Variants in PLCB1 observed in about 807,000 individuals in gnomAD.
PLCB1 encodes the protein 1-phosphatidylinositol 4,5-bisphosphate phosphodiesterase beta-1.
PLCB1 carries 46 observed loss-of-function variants against 161.8 expected under a neutral mutation model. The observed-to-expected ratio is 0.28, with a 90% CI of 0.22 to 0.36. PLCB1 has a LOEUF of 0.36. PLCB1 is among the 10% of genes least tolerant of loss of function. PLCB1 has a pLI of 1.00. For synonymous variants in PLCB1, 517 were observed against 503.7 expected, an observed-to-expected ratio of 1.03 and a Z score of -0.35; for missense variants, 1,016 against 1,472.5, an observed-to-expected ratio of 0.69 and a Z score of 5.07.
intron 2 of PLCB1, among the ~76,000 whole-genome samples, chr20:8,204,453 G>A (rs991643290): frequency 6.6e-6 from 1 of 152,098 alleles, no homozygotes; most frequent in Middle Eastern, 3.4e-3. Context: ...GTTTGTCCTG[G>A]GCTCCAATCT....
chr20:8,683,549 T>C (rs1990273570), intron 9 of PLCB1, among the ~76,000 whole-genome samples: 1 of 152,190 alleles, frequency 6.6e-6, no homozygotes, highest in Admixed American at 6.5e-5. Flanking sequence ...CTATGAAGAT[T>C]ATGACAAAAA....
intron 2 of PLCB1, among the ~76,000 whole-genome samples, chr20:8,188,509 G>T (rs1238797506): frequency 6.6e-6 from 1 of 152,122 alleles, no homozygotes; most frequent in Non-Finnish European, 1.5e-5. Context: ...CAGAGGAGAT[G>T]CATTTTCCTA....
rs150070725 is a variant in PLCB1, at chr20:8,443,269, A to T, written c.246+71819A>T. Among the ~76,000 whole-genome samples, 969 of 152,198 alleles carry T rather than the reference A, an allele frequency of 6.4e-3. 12 individuals carry two copies. The highest frequency in any genetic ancestry group is 0.022 in the African/African-American group (904 of 41,516). On this transcript the variant is annotated intron_variant, in intron 3 of 31. Coordinates refer to ENST00000338037, the MANE Select transcript of PLCB1 (RefSeq NM_015192.4). ...TGCTGGGATTACAGGCGTGAGCCACAGCACCTGGCCATCTCGTGAGTTTTA... is the reference window on the plus strand; with the variant it reads ...TGCTGGGATTACAGGCGTGAGCCACTGCACCTGGCCATCTCGTGAGTTTTA...
At chr20:8,486,610 C>T (rs1320252676) in intron 3 of PLCB1, among the ~76,000 whole-genome samples, 1 of 150,602 alleles carries the variant, frequency 6.6e-6, no homozygotes, top group Non-Finnish European at 1.5e-5. Context: ...ATTCTCCTGC[C>T]TCAGCCTCCC....
At chr20:8,683,457 A>T (rs1395011336) in intron 9 of PLCB1, among the ~76,000 whole-genome samples, 1 of 152,118 alleles carries the variant, frequency 6.6e-6, no homozygotes, top group African/African-American at 2.4e-5. Flanking sequence ...ACCCGCAAAT[A>T]TGTTGTTTGA....
chr20:8,423,871 G>T (rs1979639519), intron 3 of PLCB1, among the ~76,000 whole-genome samples: 1 of 152,158 alleles, frequency 6.6e-6, no homozygotes, highest in Non-Finnish European at 1.5e-5. Flanking sequence ...GCATCGCTCA[G>T]AGCTTCCTAG....
rs192072403 is a variant in PLCB1 at position 8,659,877 on chromosome 20, G to A, written c.862+1173G>A. 7.3e-5 allele frequency among the ~76,000 whole-genome samples: 11 copies of A among 151,508 alleles called. No individual in the cohort carries two copies. In the East Asian group the frequency reaches 1.4e-3, roughly 19 times the overall value. On this transcript the variant is annotated intron_variant, in intron 9 of 31. Transcript: ENST00000338037. The stretch of plus-strand genomic sequence containing the variant: ...CATGATGGCGCATGCCTGTAGTCCC[G>A]GCTACTCAAAAGACTGAGGTAGGAG...
chr20:8,776,826 G>T (rs1412338121), intron 27 of PLCB1, among the ~76,000 whole-genome samples: 1 of 152,246 alleles, frequency 6.6e-6, no homozygotes, highest in South Asian at 2.1e-4. Flanking sequence ...AAAACATGTA[G>T]TATGTTAGGT....
At chr20:8,617,275 T>A (rs1324496583) in intron 3 of PLCB1, among the ~76,000 whole-genome samples, 1 of 152,214 alleles carries the variant, frequency 6.6e-6, no homozygotes, top group Non-Finnish European at 1.5e-5. Flanking sequence ...GCCATTATGA[T>A]AAATTAAATA....
intron 3 of PLCB1, among the ~76,000 whole-genome samples, chr20:8,491,044 CATAAATATTTTACTTTT>C (rs1432334945): frequency 6.6e-6 from 1 of 151,754 alleles, no homozygotes; most frequent in African/African-American, 2.4e-5. Flanking sequence ...TTTCAAACAG[CATAAATATTTTACTTTT>C]ATAAAATCTA....
intron 4 of PLCB1, 83 bp from the exon 5 acceptor site, chr20:8,646,019 T>C (rs907120921): frequency 1.1e-6 from 1 of 917,878 alleles, no homozygotes; most frequent in African/African-American, 1.6e-5. Context: ...AACTAATGTG[T>C]CTTCCTGGAA....
intron 2 of PLCB1, among the ~76,000 whole-genome samples, chr20:8,320,766 C>A (rs1984872861): frequency 1.8e-5 from 2 of 108,848 alleles, no homozygotes; most frequent in South Asian, 3.2e-4. Flanking sequence ...AGTTTTAATG[C>A]AAAATACTTG....
At chr20:8,317,417 GGCTGT>G (rs1984708096) in intron 2 of PLCB1, among the ~76,000 whole-genome samples, 1 of 151,980 alleles carries the variant, frequency 6.6e-6, no homozygotes, top group Non-Finnish European at 1.5e-5. Context: ...TGGTAGGAGG[GGCTGT>G]GCCACTCTGA....
intron 10 of PLCB1, among the ~76,000 whole-genome samples, chr20:8,687,372 T>C (rs1442193812): frequency 6.6e-6 from 1 of 152,044 alleles, no homozygotes; most frequent in Non-Finnish European, 1.5e-5. Flanking sequence ...GTTATAAGGG[T>C]ATAGGTGGTA....
At chr20:8,878,030 T>C (rs1192548647) in intron 31 of PLCB1, among the ~76,000 whole-genome samples, 1 of 152,202 alleles carries the variant, frequency 6.6e-6, no homozygotes, top group African/African-American at 2.4e-5. Flanking sequence ...TTTAAAATGT[T>C]AAAAAGCATT....
rs575516433 is a variant in PLCB1, at chr20:8,492,238, G to A, written c.246+120788G>A. ...AAGAAAATTAAGCTACCCACTTTCT[G>A]TTTACTTACATAGAATTCCACTATT... On this transcript the variant is annotated intron_variant, in intron 3 of 31. Transcript: ENST00000338037. Among the ~76,000 whole-genome samples, 4 of 150,920 alleles carry A rather than the reference G, an allele frequency of 2.7e-5. No individual in the cohort carries two copies. In the South Asian group the frequency reaches 8.4e-4, roughly 32 times the overall value.
intron 3 of PLCB1, among the ~76,000 whole-genome samples, chr20:8,432,749 C>G (rs1980108070): frequency 6.6e-6 from 1 of 152,136 alleles, no homozygotes; most frequent in Non-Finnish European, 1.5e-5. Flanking sequence ...AACATTAAAC[C>G]TTTGATCAGT....
At chr20:8,330,855 T>C (rs1985340881) in intron 2 of PLCB1, among the ~76,000 whole-genome samples, 1 of 152,182 alleles carries the variant, frequency 6.6e-6, no homozygotes, top group Admixed American at 6.5e-5. Context: ...AGATGTAAAA[T>C]ACAATGAACT....
At chr20:8,315,336 TG>T (rs2122137793) in intron 2 of PLCB1, among the ~76,000 whole-genome samples, 1 of 152,228 alleles carries the variant, frequency 6.6e-6, no homozygotes, top group South Asian at 2.1e-4. Flanking sequence ...GGAAGAGAAG[TG>T]GGGACACTTT....
Sources: allele counts gnomAD v4.1 joint callset (sites outside exome capture counted in the v4.1 genomes callset), GRCh38; gene constraint gnomAD v4.1.1; transcripts MANE v1.5; gene names NCBI Gene and HGNC (gene_info 2026-07-23, HGNC 2026-07-21).